The following HPSE2 variants were observed in gnomAD, a reference collection of about 807,000 sequenced individuals.
The protein encoded by HPSE2 is inactive heparanase-2.
A neutral mutation model predicts 60.5 loss-of-function variants in HPSE2; 38 were observed. That is an observed-to-expected ratio of 0.63 (90% CI 0.48 to 0.82). HPSE2 has a LOEUF of 0.82. HPSE2 is among the 40% of genes least tolerant of loss of function. The pLI is 0.00. For synonymous variants in HPSE2, 295 were observed against 293.2 expected (o/e 1.01, Z -0.06); for missense variants, 713 against 740.4 (o/e 0.96, Z 0.43).
At chr10:99,172,882 A>G (rs1287679674) in intron 2 of HPSE2, among the ~76,000 whole-genome samples, 2 of 108,888 alleles carry the variant, frequency 1.8e-5, no homozygotes, top group African/African-American at 5.5e-5. Context: ...TCTCAAAAAA[A>G]GAAGAAGAAG....
intron 9 of HPSE2, among the ~76,000 whole-genome samples, chr10:98,498,752 A>G (rs182598600): frequency 3.0e-3 from 454 of 152,340 alleles, no homozygotes; most frequent in Non-Finnish European, 5.4e-3. Flanking sequence ...CCAAAAAACA[A>G]TACAAGAAGT....
At chr10:98,856,669 G>A (rs1281067125) in intron 3 of HPSE2, among the ~76,000 whole-genome samples, 1 of 152,118 alleles carries the variant, frequency 6.6e-6, no homozygotes, top group Non-Finnish European at 1.5e-5. Flanking sequence ...ACAACAATCT[G>A]AATGTACTTA....
intron 9 of HPSE2, among the ~76,000 whole-genome samples, chr10:98,593,916 A>C (rs1046177699): frequency 2.0e-5 from 3 of 152,236 alleles, no homozygotes; most frequent in African/African-American, 7.2e-5. Flanking sequence ...TTCCAGAACA[A>C]ATCAATACCC....
chr10:99,240,670 CA>C (rs1010994590), upstream of HPSE2, among the ~76,000 whole-genome samples: 50 of 152,212 alleles, frequency 3.3e-4, no homozygotes, highest in African/African-American at 1.1e-3. Context: ...CCTCGGCTTC[CA>C]AAAGTGCTGA....
At chr10:99,037,779 C>G (rs942483415) in intron 3 of HPSE2, among the ~76,000 whole-genome samples, 1 of 151,384 alleles carries the variant, frequency 6.6e-6, no homozygotes, top group Non-Finnish European at 1.5e-5. Flanking sequence ...ATAAGAAAAA[C>G]CTGAAAAGTA....
At chr10:99,164,721 C>T (rs1003232327) in intron 2 of HPSE2, among the ~76,000 whole-genome samples, 12 of 152,106 alleles carry the variant, frequency 7.9e-5, no homozygotes, top group Middle Eastern at 3.2e-3. Flanking sequence ...AACTCCAATC[C>T]AACACTAAAG....
intron 6 of HPSE2, among the ~76,000 whole-genome samples, chr10:98,646,231 G>T (rs1269556136): frequency 1.3e-5 from 2 of 152,000 alleles, no homozygotes; most frequent in East Asian, 1.9e-4. Context: ...TTATATTTGG[G>T]CATGAAGGAG....
rs141037591 is a variant in HPSE2, at chr10:98,490,089, G to A, written c.1428C>T (p.Asp476=). ...TGCAGTGAGCATAAATCCTTAGTTTGTCCCGGATCACTCGGCCAGGCCGTG... is the reference window on the plus strand; with the variant it reads ...TGCAGTGAGCATAAATCCTTAGTTTATCCCGGATCACTCGGCCAGGCCGTG... ...RKPRPGRVIR[D]KLRIYAHCTN... is the part of the protein sequence containing the mutation. Residue 476 remains aspartate (D), a synonymous_variant, in exon 10 of 12, where the codon GAC becomes GAT. Coordinates refer to ENST00000370552, the MANE Select transcript of HPSE2 (RefSeq NM_021828.5). 6.2e-7 allele frequency: 1 copy of A among 1,614,226 alleles called. No individual in the cohort carries two copies. Among genetic ancestry groups the A allele is most frequent in the African/African-American group, 1.3e-5 (1 of 75,052 alleles).
At chr10:98,724,123 C>T (rs1172578714) in intron 4 of HPSE2, among the ~76,000 whole-genome samples, 1 of 152,036 alleles carries the variant, frequency 6.6e-6, no homozygotes, top group African/African-American at 2.4e-5. Context: ...TTTCCCTCTA[C>T]ACACTGCTTT....
At chr10:99,109,072 C>T (rs1020026337) in intron 3 of HPSE2, among the ~76,000 whole-genome samples, 1 of 152,160 alleles carries the variant, frequency 6.6e-6, no homozygotes, top group African/African-American at 2.4e-5. Flanking sequence ...GAGTGACAAC[C>T]TCTGCATTCA....
At chr10:98,862,043 T>C (rs553537716) in intron 3 of HPSE2, among the ~76,000 whole-genome samples, 45 of 152,324 alleles carry the variant, frequency 3.0e-4, no homozygotes, top group African/African-American at 1.0e-3. Flanking sequence ...GTTAGTTAAA[T>C]ATTGGTTAAC....
chr10:99,181,724 C>G (rs1847785756), intron 2 of HPSE2, among the ~76,000 whole-genome samples: 1 of 152,022 alleles, frequency 6.6e-6, no homozygotes, highest in African/African-American at 2.4e-5. Flanking sequence ...ACACTGGGAC[C>G]TGTGGGGGTG....
chr10:99,046,865 A>G (rs1469335108), intron 3 of HPSE2, among the ~76,000 whole-genome samples: 1 of 152,192 alleles, frequency 6.6e-6, no homozygotes, highest in East Asian at 1.9e-4. Context: ...GGAAAGAATC[A>G]ATATCATTAA....
intron 9 of HPSE2, among the ~76,000 whole-genome samples, chr10:98,550,399 T>C (rs540142379): frequency 7.2e-5 from 11 of 152,170 alleles, no homozygotes; most frequent in South Asian, 4.2e-4. Context: ...GTTCAACCAG[T>C]CCTCCTGCTT....
chr10:99,044,973 A>T (rs765077440), intron 3 of HPSE2, among the ~76,000 whole-genome samples: 46 of 152,138 alleles, frequency 3.0e-4, no homozygotes, highest in Non-Finnish European at 6.0e-4. Flanking sequence ...GAAAACTTAC[A>T]AAGAAACTAT....
At chr10:98,530,432 T>A (rs927857476) in intron 9 of HPSE2, among the ~76,000 whole-genome samples, 46 of 152,192 alleles carry the variant, frequency 3.0e-4, no homozygotes, top group African/African-American at 1.1e-3. Context: ...TCTAACAGGT[T>A]CCCAGTGATG....
chr10:98,499,640 C>T (rs1941964799), intron 9 of HPSE2, among the ~76,000 whole-genome samples: 1 of 152,158 alleles, frequency 6.6e-6, no homozygotes, highest in South Asian at 2.1e-4. Flanking sequence ...ACACAGGCAA[C>T]AAGCAGCAGG....
intron 6 of HPSE2, among the ~76,000 whole-genome samples, chr10:98,684,977 G>A (rs1947876456): frequency 6.6e-6 from 1 of 152,048 alleles, no homozygotes; most frequent in African/African-American, 2.4e-5. Context: ...AAGTATATTT[G>A]TTTAGGTGTA....
chr10:99,049,762 C>T (rs1368092994), intron 3 of HPSE2, among the ~76,000 whole-genome samples: 1 of 151,936 alleles, frequency 6.6e-6, no homozygotes, highest in East Asian at 1.9e-4. Flanking sequence ...AAATAAAAAA[C>T]ATTTGCTCTT....
Sources: allele counts gnomAD v4.1 joint callset (sites outside exome capture counted in the v4.1 genomes callset), GRCh38; gene constraint gnomAD v4.1.1; transcripts MANE v1.5; gene names NCBI Gene and HGNC (gene_info 2026-07-23, HGNC 2026-07-21).